Variants in EIF4G3 observed in about 807,000 individuals in gnomAD.
EIF4G3 encodes eIF-4-gamma 3.
A neutral mutation model predicts 186.4 loss-of-function variants in EIF4G3; 34 were observed. That is an observed-to-expected ratio of 0.18 (90% CI 0.14 to 0.24). EIF4G3 has a LOEUF of 0.24. EIF4G3 is among the 10% of genes least tolerant of loss of function. EIF4G3 has a pLI of 1.00. For synonymous variants in EIF4G3, 673 were observed against 679.5 expected (o/e 0.99, Z 0.15); for missense variants, 1,536 against 1,948.5 (o/e 0.79, Z 3.99).
At chr1:21,078,204 T>C (rs1297797633) in intron 3 of EIF4G3, among the ~76,000 whole-genome samples, 1 of 152,240 alleles carries the variant, frequency 6.6e-6, no homozygotes, top group Non-Finnish European at 1.5e-5. Flanking sequence ...ATAGCCAAGA[T>C]GTGGATCAAT....
At chr1:21,087,138 T>G (rs2096010947) in intron 3 of EIF4G3, among the ~76,000 whole-genome samples, 1 of 152,144 alleles carries the variant, frequency 6.6e-6, no homozygotes, top group Non-Finnish European at 1.5e-5. Flanking sequence ...ATTTATTTTC[T>G]TATCTCCCTC....
intron 12 of EIF4G3, among the ~76,000 whole-genome samples, chr1:20,963,749 T>C (rs78783377): frequency 0.013 from 1,940 of 152,120 alleles, 21 homozygotes; most frequent in East Asian, 0.022. Context: ...AGGTCAGGTG[T>C]TCGAGACCAG....
chr1:21,053,806 G>A (rs1358647065), intron 3 of EIF4G3, among the ~76,000 whole-genome samples: 45 of 146,608 alleles, frequency 3.1e-4, no homozygotes, highest in Non-Finnish European at 6.5e-4. Context: ...GAAGAGAGGA[G>A]CCCCTCTGCC....
intron 12 of EIF4G3, among the ~76,000 whole-genome samples, chr1:20,956,627 A>AAAAC (rs1458125461): frequency 2.0e-5 from 3 of 151,704 alleles, no homozygotes; most frequent in Admixed American, 2.0e-4. Context: ...CAAAAAAAAA[A>AAAAC]AAAAAAAAAA....
At chr1:20,984,649 G>GCGTGATCTTGGCTCACTGCAACCTC (rs2079054000) in intron 7 of EIF4G3, among the ~76,000 whole-genome samples, 1 of 150,046 alleles carries the variant, frequency 6.7e-6, no homozygotes, top group East Asian at 2.0e-4. Flanking sequence ...GAGTGCAGTG[G>GCGTGATCTTGGCTCACTGCAACCTC]CGTGATCTTG....
At chr1:20,984,559 TACACAC>T (rs61253859) in intron 7 of EIF4G3, among the ~76,000 whole-genome samples, 2 of 142,368 alleles carry the variant, frequency 1.4e-5, no homozygotes, top group South Asian at 2.3e-4. Context: ...TATATATATA[TACACAC>T]ACACACACAC....
chr1:21,095,100 T>C (rs2096329049), intron 2 of EIF4G3, among the ~76,000 whole-genome samples: 2 of 152,172 alleles, frequency 1.3e-5, no homozygotes, highest in Admixed American at 1.3e-4. Context: ...ACAGTGGTTA[T>C]GTATATTACT....
At chr1:20,963,408 G>C (rs1328045012) in intron 12 of EIF4G3, among the ~76,000 whole-genome samples, 1 of 152,066 alleles carries the variant, frequency 6.6e-6, no homozygotes, top group Non-Finnish European at 1.5e-5. Context: ...TTTAAGGTTT[G>C]CAGGTATCAA....
intron 19 of EIF4G3, among the ~76,000 whole-genome samples, chr1:20,881,984 C>T (rs1196839044): frequency 1.3e-5 from 2 of 151,448 alleles, no homozygotes; most frequent in African/African-American, 2.4e-5. Flanking sequence ...AGCAACATGG[C>T]GAAACCCCAT....
At chr1:20,911,273 A>T (rs1254137876) in intron 14 of EIF4G3, among the ~76,000 whole-genome samples, 1 of 152,182 alleles carries the variant, frequency 6.6e-6, no homozygotes, top group Non-Finnish European at 1.5e-5. Flanking sequence ...GTAGGTTAAA[A>T]GAATGTAAAA....
At chr1:21,151,440 G>A (rs374698155) in intron 2 of EIF4G3, among the ~76,000 whole-genome samples, 5 of 151,782 alleles carry the variant, frequency 3.3e-5, no homozygotes, top group African/African-American at 7.2e-5. Flanking sequence ...GGGTTTCACC[G>A]TGTTAGCCAG....
chr1:20,922,260 G>A (rs1159628007), intron 14 of EIF4G3, among the ~76,000 whole-genome samples: 2 of 151,898 alleles, frequency 1.3e-5, no homozygotes, highest in African/African-American at 2.4e-5. Flanking sequence ...AAATTTTGAC[G>A]TAAATTCACT....
intron 7 of EIF4G3, among the ~76,000 whole-genome samples, chr1:20,984,544 T>TTATATA (rs756259591): frequency 9.5e-4 from 138 of 144,998 alleles, no homozygotes; most frequent in African/African-American, 2.7e-3. Context: ...AACCTAAGCA[T>TTATATA]TATATATATA....
At chr1:21,111,371 C>T (rs1558012870) in intron 2 of EIF4G3, 2 of 471,522 alleles carry the variant, frequency 4.2e-6, no homozygotes. Flanking sequence ...CTCATCAATA[C>T]TCTGTGGGAT....
In EIF4G3 at chr1:20,957,211, G is replaced by T. The variant is rs143174424; in HGVS notation, c.715-7100C>A. Among the ~76,000 whole-genome samples the T allele has an allele frequency of 1.2e-3, 185 of 152,220 alleles. 1 individual carries two copies. The highest frequency in any genetic ancestry group is 4.2e-3 in the African/African-American group (175 of 41,538). Reference sequence around the variant, plus strand: ...CAGACTTAAGAGGGCTTAAGAAAATGATTTTTAAAGTTCTTGGGGGCAAAA... The same window carrying T: ...CAGACTTAAGAGGGCTTAAGAAAATTATTTTTAAAGTTCTTGGGGGCAAAA... On this transcript the variant is annotated intron_variant, in intron 12 of 36. Transcript: ENST00000602326.
chr1:21,010,419 CAA>C (rs11318361), intron 4 of EIF4G3, among the ~76,000 whole-genome samples: 9 of 101,152 alleles, frequency 8.9e-5, no homozygotes, highest in Non-Finnish European at 1.8e-4. Context: ...GACTCTGTCT[CAA>C]AAAAAAAAAA....
At chr1:21,118,660 C>G (rs1405037680) in intron 2 of EIF4G3, among the ~76,000 whole-genome samples, 1 of 151,884 alleles carries the variant, frequency 6.6e-6, no homozygotes, top group East Asian at 1.9e-4. Context: ...GTGGCGGGTG[C>G]CTGTAATCCC....
In EIF4G3 at chr1:20,943,972, TTTTGTGTGTGTGTGTG is replaced by T. The variant is rs1357410251; in HGVS notation, c.824-1658_824-1643del. On this transcript the variant is annotated intron_variant, in intron 13 of 36. Transcript: ENST00000602326. The stretch of plus-strand genomic sequence containing the variant: ...TTTCAGGAAAACTTGTCTTTATTTT[TTTTGTGTGTGTGTGTG>T]TGTGTGTGTGTGTGTGTGTGTGTGT... 5.1e-4 allele frequency among the ~76,000 whole-genome samples: 23 copies of T among 44,842 alleles called. 1 individual carries two copies. Among genetic ancestry groups the T allele is most frequent in the African/African-American group, 1.3e-3 (18 of 13,448 alleles). The allele number at this position is 44,842 out of a possible 152,430, so 29.4% of individuals were successfully genotyped here. A position where few individuals can be genotyped will look rare whatever the true frequency, so the allele number is the denominator to read the frequency against.
At chr1:20,947,989 C>T (rs185621344) in intron 13 of EIF4G3, among the ~76,000 whole-genome samples, 4 of 152,238 alleles carry the variant, frequency 2.6e-5, no homozygotes, top group African/African-American at 9.6e-5. Flanking sequence ...CGCAATAATA[C>T]TGTCTTCAGG....
Sources: gnomAD v4.1 joint callset for allele counts (sites outside exome capture counted in the v4.1 genomes callset) on GRCh38, gnomAD v4.1.1 for gene constraint, MANE v1.5 for transcripts, NCBI Gene and HGNC (gene_info 2026-07-23, HGNC 2026-07-21) for gene names.